Variants in TACC2 observed in about 807,000 individuals in gnomAD.
TACC2 encodes transforming acidic coiled-coil containing protein 2.
TACC2 carries 137 observed loss-of-function variants against 227.3 expected under a neutral mutation model. That is an observed-to-expected ratio of 0.60 (90% CI 0.52 to 0.69). The LOEUF is 0.69. Among genes scored for constraint, TACC2 ranks in the 30% least tolerant of loss-of-function variants. TACC2 has a pLI of 0.00. For missense variants in TACC2, 3,470 were observed against 3,694.4 expected (o/e 0.94, Z 1.57); for synonymous variants, 1,523 against 1,487.5 (o/e 1.02, Z -0.55).
chr10:122,006,922 C>T (rs368476556), intron 1 of TACC2, among the ~76,000 whole-genome samples: 96 of 144,202 alleles, frequency 6.7e-4, no homozygotes, highest in African/African-American at 2.3e-3. Flanking sequence ...AGTGCAATGG[C>T]GTGATCTTGG....
At chr10:122,225,984 A>G (rs574696981) in intron 12 of TACC2, among the ~76,000 whole-genome samples, 1 of 152,280 alleles carries the variant, frequency 6.6e-6, no homozygotes, top group African/African-American at 2.4e-5. Flanking sequence ...TCATTCAGCT[A>G]TGGTCAGCCC....
At chr10:122,139,239 C>T (rs933739387) in intron 6 of TACC2, among the ~76,000 whole-genome samples, 2 of 152,230 alleles carry the variant, frequency 1.3e-5, no homozygotes, top group Non-Finnish European at 2.9e-5. Context: ...AGACGTGTGC[C>T]AGGGAAGAGC....
At chr10:122,120,547 A>G (rs1452189051) in intron 5 of TACC2, among the ~76,000 whole-genome samples, 1 of 152,114 alleles carries the variant, frequency 6.6e-6, no homozygotes, top group African/African-American at 2.4e-5. Flanking sequence ...TTTGTCGCAC[A>G]TCATGAGTCG....
At chr10:122,195,709 C>G (rs144948623) in intron 8 of TACC2, among the ~76,000 whole-genome samples, 1 of 152,132 alleles carries the variant, frequency 6.6e-6, no homozygotes, top group African/African-American at 2.4e-5. Flanking sequence ...TCCTTTTAGA[C>G]GGGTGGTTAG....
At chr10:122,026,601 C>T (rs1958057543) in intron 2 of TACC2, among the ~76,000 whole-genome samples, 1 of 151,940 alleles carries the variant, frequency 6.6e-6, no homozygotes, top group South Asian at 2.1e-4. Flanking sequence ...GTTTCACTGC[C>T]CTAAAAATCC....
At chr10:122,234,727 AT>A (rs939265429) in intron 16 of TACC2, among the ~76,000 whole-genome samples, 17 of 152,088 alleles carry the variant, frequency 1.1e-4, no homozygotes, top group Admixed American at 3.9e-4. Flanking sequence ...TATTTTACTT[AT>A]TTTTTTTCAT....
chr10:122,073,106 CAAAAAAAAAAA>C (rs1164376721), intron 3 of TACC2, among the ~76,000 whole-genome samples: 6 of 19,408 alleles, frequency 3.1e-4, no homozygotes, highest in African/African-American at 1.4e-3. Context: ...GACTCTGTCT[CAAAAAAAAAAA>C]AAAAAAAAAA....
At chr10:122,105,942 C>CTGTGTGTGTG (rs756793588) in intron 5 of TACC2, among the ~76,000 whole-genome samples, 53 of 109,866 alleles carry the variant, frequency 4.8e-4, no homozygotes, top group African/African-American at 1.4e-3. Flanking sequence ...CATTTTCTCT[C>CTGTGTGTGTG]TCTGTGTGTG....
intron 1 of TACC2, among the ~76,000 whole-genome samples, chr10:122,012,418 CAAA>C (rs752342348): frequency 4.3e-4 from 26 of 60,722 alleles, no homozygotes; most frequent in East Asian, 3.0e-3. Context: ...GACTCCGTCT[CAAA>C]AAAAAAAAAA....
At chr10:122,049,603 G>A (rs776347081) in intron 2 of TACC2, among the ~76,000 whole-genome samples, 124 of 152,264 alleles carry the variant, frequency 8.1e-4, no homozygotes, top group Non-Finnish European at 1.2e-3. Flanking sequence ...GCACAGGGTC[G>A]CCGCTGGGGA....
rs1185749198 is a variant in TACC2 at position 122,084,622 on chromosome 10, G to C, written c.2122G>C (p.Gly708Arg). The C allele has an allele frequency of 1.9e-6, 3 of 1,613,740 alleles. No individual in the cohort carries two copies. The highest frequency in any genetic ancestry group is 2.7e-5 in the African/African-American group (2 of 74,934). Residue 708 changes from glycine (G) to arginine (R), a missense_variant, in exon 4 of 23, where the codon GGA (glycine) becomes CGA (arginine). Physicochemically the swap from Gly to Arg is moderately radical, Grantham distance 125. Transcript: ENST00000369005. Reference protein sequence around the residue: ...PDTLQSREGLGRMESFLTLES... With the variant: ...PDTLQSREGLRRMESFLTLES... ...CACCCTTCAGAGCAGGGAAGGATTG[G>C]GAAGAATGGAGTCTTTCCTGACTTT...
chr10:122,136,401 G>A lies in TACC2; in HGVS notation c.5699+3667G>A, dbSNP rs529664452. On this transcript the variant is annotated intron_variant, in intron 6 of 22. Coordinates refer to ENST00000369005, the MANE Select transcript of TACC2 (RefSeq NM_206862.4). The stretch of plus-strand genomic sequence containing the variant: ...AGGAGAGAGGCAGAGGGTGGGATGC[G>A]GAAGGAGGGGAGGGACCAACATGGG... 5.6e-4 allele frequency among the ~76,000 whole-genome samples: 85 copies of A among 152,164 alleles called. 1 individual carries two copies. Among genetic ancestry groups the A allele is most frequent in the Middle Eastern group, 3.4e-3 (1 of 294 alleles).
chr10:122,195,919 G>A (rs1392698105), intron 8 of TACC2, among the ~76,000 whole-genome samples: 1 of 152,134 alleles, frequency 6.6e-6, no homozygotes, highest in Non-Finnish European at 1.5e-5. Context: ...GACAGCTCTG[G>A]GCCCCACAAC....
chr10:122,094,663 T>C (rs1406999650), intron 5 of TACC2, among the ~76,000 whole-genome samples: 1 of 152,208 alleles, frequency 6.6e-6, no homozygotes, highest in Non-Finnish European at 1.5e-5. Context: ...CTGGATTCAC[T>C]GTCTTCAGGT....
intron 6 of TACC2, among the ~76,000 whole-genome samples, chr10:122,136,000 C>T (rs538391332): frequency 3.3e-5 from 5 of 152,288 alleles, no homozygotes; most frequent in East Asian, 3.9e-4. Flanking sequence ...AGCTTCCTCC[C>T]GGCATGAGGG....
chr10:122,132,878 C>G, intron 6 of TACC2, 144 bp downstream of exon 6: 1 of 804,240 alleles, frequency 1.2e-6, no homozygotes, highest in East Asian at 2.7e-5. Context: ...AGGGTGTGCA[C>G]ACCTGTCCTG....
intron 8 of TACC2, among the ~76,000 whole-genome samples, chr10:122,201,188 C>CTGCGTT (rs2094824604): frequency 6.7e-6 from 1 of 150,082 alleles, no homozygotes; most frequent in African/African-American, 2.5e-5. Flanking sequence ...CCCACAGTGG[C>CTGCGTT]CACATCTACA....
chr10:122,030,847 T>A (rs184207294), intron 2 of TACC2, among the ~76,000 whole-genome samples: 1 of 152,028 alleles, frequency 6.6e-6, no homozygotes, highest in Non-Finnish European at 1.5e-5. Context: ...TCCCAGGGAA[T>A]TGGGGCTCCA....
At chr10:122,170,402 C>T (rs539147853) in intron 7 of TACC2, among the ~76,000 whole-genome samples, 1 of 150,736 alleles carries the variant, frequency 6.6e-6, no homozygotes, top group Admixed American at 6.6e-5. Context: ...TCCCAAGTAG[C>T]TGGAAATACA....
Sources: allele counts gnomAD v4.1 joint callset (sites outside exome capture counted in the v4.1 genomes callset), GRCh38; gene constraint gnomAD v4.1.1; transcripts MANE v1.5; gene names NCBI Gene and HGNC (gene_info 2026-07-23, HGNC 2026-07-21).